The following NDUFAF7 variants were observed in gnomAD, a reference collection of about 807,000 sequenced individuals.
NDUFAF7 encodes the protein NADH:ubiquinone oxidoreductase complex assembly factor 7.
A neutral mutation model predicts 47.2 loss-of-function variants in NDUFAF7; 48 were observed. The ratio of observed to expected loss-of-function variants is 1.02; its 90% CI spans 0.81 to 1.29. The LOEUF is 1.29. NDUFAF7 is among the 50% of genes most tolerant of loss of function. NDUFAF7 has a pLI of 0.00. For synonymous variants in NDUFAF7, 217 were observed against 190.0 expected, an observed-to-expected ratio of 1.14 and a Z score of -1.17; for missense variants, 635 against 537.6, an observed-to-expected ratio of 1.18 and a Z score of -1.79.
intron 9 of NDUFAF7, 124 bp downstream of exon 9, chr2:37,247,753 T>G (rs1667085604): frequency 8.5e-7 from 1 of 1,173,304 alleles, no homozygotes; most frequent in Non-Finnish European, 1.2e-6. Context: ...TTCCAGTCTT[T>G]TCAGGTAGTA....
intron 7 of NDUFAF7, 120 bp downstream of exon 7, chr2:37,244,093 G>C: frequency 1.2e-6 from 1 of 846,740 alleles, no homozygotes; most frequent in Non-Finnish European, 1.9e-6. Flanking sequence ...AGTAGCATAC[G>C]AGGTGCTTTT....
chr2:37,265,074 G>A, the NDUFAF7 span, among the ~76,000 whole-genome samples: 2 of 152,164 alleles, frequency 1.3e-5, no homozygotes, highest in Non-Finnish European at 1.5e-5. Flanking sequence ...AGCTATGGAC[G>A]CCTCTAGGGA....
Position 37,231,962 on chromosome 2 carries a change from G to A in NDUFAF7, c.56-144G>A, listed in dbSNP as rs556987212. The A allele has an allele frequency of 3.8e-6, 6 of 1,596,844 alleles. No homozygotes were observed. In the African/African-American group the frequency reaches 6.7e-5, roughly 18 times the overall value. ...CAAGTGGGTGCTGTCTCTGCGCCCC[G>A]TGGGCGTGCTAAGCACAGTAGCCCG... On this transcript the variant is annotated intron_variant, in intron 1 of 9. Transcript: ENST00000002125.
the NDUFAF7 span, among the ~76,000 whole-genome samples, chr2:37,267,081 T>C: frequency 6.6e-6 from 1 of 152,162 alleles, no homozygotes; most frequent in Non-Finnish European, 1.5e-5. Flanking sequence ...AAAAGGTACA[T>C]AATTTTAAAG....
downstream of NDUFAF7, among the ~76,000 whole-genome samples, chr2:37,249,558 G>GACACACAC (rs56374800): frequency 0.022 from 2,802 of 128,216 alleles, 84 homozygotes; most frequent in African/African-American, 0.04. Flanking sequence ...GCCTGTGATA[G>GACACACAC]ACACACACAC....
chr2:37,270,212 A>G, the NDUFAF7 span, among the ~76,000 whole-genome samples: 1 of 152,018 alleles, frequency 6.6e-6, no homozygotes, highest in Non-Finnish European at 1.5e-5. Context: ...GGGCAACAAG[A>G]GCGAGACTCC....
downstream of NDUFAF7, among the ~76,000 whole-genome samples, chr2:37,256,272 A>G (rs373035081): frequency 2.0e-5 from 3 of 152,188 alleles, no homozygotes; most frequent in East Asian, 1.9e-4. Context: ...ATCACAGATA[A>G]CTATGCCTGT....
At chr2:37,236,010 T>A in intron 2 of NDUFAF7, 86 bp from the exon 3 acceptor site, 3 of 1,128,930 alleles carry the variant, frequency 2.7e-6, no homozygotes, top group Non-Finnish European at 4.0e-6. Flanking sequence ...TATTTCACTT[T>A]TACATTATTT....
intron 3 of NDUFAF7, among the ~76,000 whole-genome samples, chr2:37,236,501 G>A (rs1317721436): frequency 2.0e-5 from 3 of 152,074 alleles, no homozygotes; most frequent in African/African-American, 7.2e-5. Context: ...AAGGGGCCAG[G>A]CGTAGTGGCT....
At chr2:37,240,584 A>G (rs1477758790) in intron 4 of NDUFAF7, among the ~76,000 whole-genome samples, 1 of 152,140 alleles carries the variant, frequency 6.6e-6, no homozygotes, top group Non-Finnish European at 1.5e-5. Flanking sequence ...ACGAATTTAA[A>G]TTTCCAGGGC....
intron 4 of NDUFAF7, among the ~76,000 whole-genome samples, chr2:37,240,525 A>T (rs1666240449): frequency 6.6e-6 from 1 of 152,020 alleles, no homozygotes; most frequent in African/African-American, 2.4e-5. Context: ...ATATAAACAT[A>T]TGACAAATAA....
At chr2:37,265,181 G>C in the NDUFAF7 span, among the ~76,000 whole-genome samples, 46 of 152,160 alleles carry the variant, frequency 3.0e-4, no homozygotes, top group African/African-American at 1.1e-3. Context: ...GAATGACACG[G>C]GGCAAAGATG....
At chr2:37,231,895 A>G in intron 1 of NDUFAF7, 135 bp downstream of exon 1, 1 of 1,583,242 alleles carries the variant, frequency 6.3e-7, no homozygotes, top group Non-Finnish European at 8.6e-7. Context: ...CTGGGCTGGA[A>G]ACGGGTCCGG....
chr2:37,268,676 T>C, the NDUFAF7 span: 25 of 197,222 alleles, frequency 1.3e-4, no homozygotes, highest in Middle Eastern at 4.3e-3. Context: ...CCCTGAAGTA[T>C]GAAAAAATGT....
downstream of NDUFAF7, chr2:37,253,307 A>G (rs559394565): frequency 9.5e-5 from 154 of 1,613,056 alleles, 1 homozygote; most frequent in South Asian, 6.7e-4. Flanking sequence ...ACGTTCTCCA[A>G]TGCGAGTTTC....
chr2:37,253,041 A>G, downstream of NDUFAF7: 2 of 857,982 alleles, frequency 2.3e-6, no homozygotes, highest in Non-Finnish European at 3.5e-6. Context: ...GAACTACAGT[A>G]CTGGTGTCAC....
chr2:37,251,247 TAGA>T (rs1374076663), downstream of NDUFAF7: 1 of 152,578 alleles, frequency 6.6e-6, no homozygotes, highest in African/African-American at 2.4e-5. Flanking sequence ...GAAGCTTCTA[TAGA>T]AGGACAAATT....
At chr2:37,239,923 G>A (rs923783140) in intron 4 of NDUFAF7, among the ~76,000 whole-genome samples, 4 of 152,130 alleles carry the variant, frequency 2.6e-5, no homozygotes, top group Admixed American at 6.5e-5. Context: ...AGGGGCTTTG[G>A]AGATAAGGTC....
chr2:37,256,960 A>G (rs2148482957), downstream of NDUFAF7: 15 of 1,611,846 alleles, frequency 9.3e-6, no homozygotes, highest in Non-Finnish European at 1.3e-5. Context: ...TTAATTTTGT[A>G]TTATAGTGTT....
Sources: allele counts gnomAD v4.1 joint callset (sites outside exome capture counted in the v4.1 genomes callset), GRCh38; gene constraint gnomAD v4.1.1; transcripts MANE v1.5; gene names NCBI Gene and HGNC (gene_info 2026-07-23, HGNC 2026-07-21).